Variants in LRPPRC observed in about 807,000 individuals in gnomAD.
LRPPRC encodes leucine rich pentatricopeptide repeat containing.
In LRPPRC, 120 loss-of-function variants were observed where a neutral mutation model predicts 180.3. The ratio of observed to expected loss-of-function variants is 0.67; its 90% CI spans 0.57 to 0.77. The LOEUF is 0.77. Ranked by LOEUF, LRPPRC falls within the 30% of genes least tolerant of loss-of-function variation. The pLI is 0.00. For missense variants in LRPPRC, 2,012 were observed against 1,657.2 expected (o/e 1.21, Z -3.72); for synonymous variants, 723 against 600.0 (o/e 1.21, Z -3.00).
At chr2:43,961,535 T>C (rs1435764413) in intron 12 of LRPPRC, among the ~76,000 whole-genome samples, 1 of 152,198 alleles carries the variant, frequency 6.6e-6, no homozygotes, top group Non-Finnish European at 1.5e-5. Flanking sequence ...GCAATGACTA[T>C]CTCAAGGAAC....
intron 23 of LRPPRC, among the ~76,000 whole-genome samples, chr2:43,935,493 G>C (rs1011182585): frequency 3.9e-5 from 6 of 152,116 alleles, no homozygotes; most frequent in African/African-American, 1.4e-4. Context: ...GTGAATTCTA[G>C]AAGAATTCTA....
intron 29 of LRPPRC, among the ~76,000 whole-genome samples, chr2:43,915,101 G>A (rs994627136): frequency 7.4e-5 from 11 of 148,938 alleles, no homozygotes; most frequent in Non-Finnish European, 1.3e-4. Context: ...ATGGTGGTGG[G>A]TGCCTATAAT....
intron 1 of LRPPRC, 111 bp from the exon 2 acceptor site, chr2:43,982,545 T>C (rs1674359341): frequency 2.6e-6 from 2 of 782,586 alleles, no homozygotes; most frequent in Non-Finnish European, 4.3e-6. Context: ...AAAATCACAG[T>C]ACAATACCAA....
intron 22 of LRPPRC, 104 bp from the exon 23 acceptor site, chr2:43,943,998 T>C (rs1672588391): frequency 2.5e-6 from 2 of 785,518 alleles, no homozygotes; most frequent in African/African-American, 3.4e-5. Context: ...AATTCTAGTG[T>C]ATAATGCCGA....
intron 23 of LRPPRC, among the ~76,000 whole-genome samples, chr2:43,943,262 A>T (rs1271711327): frequency 1.3e-5 from 2 of 152,178 alleles, no homozygotes; most frequent in African/African-American, 4.8e-5. Context: ...CAAAGCTAGA[A>T]TAACTGTAAT....
intron 27 of LRPPRC, among the ~76,000 whole-genome samples, chr2:43,924,332 A>C (rs752175795): frequency 2.0e-5 from 3 of 152,222 alleles, no homozygotes; most frequent in Non-Finnish European, 4.4e-5. Context: ...AAAGTACTAG[A>C]GCATTGTTTG....
At chr2:43,922,663 G>A (rs1018522100) in intron 27 of LRPPRC, among the ~76,000 whole-genome samples, 3 of 152,160 alleles carry the variant, frequency 2.0e-5, no homozygotes, top group African/African-American at 7.2e-5. Flanking sequence ...GAAGGCTGAG[G>A]CAAGAGAATG....
chr2:43,937,333 A>G (rs1672312034), intron 23 of LRPPRC, among the ~76,000 whole-genome samples: 1 of 152,182 alleles, frequency 6.6e-6, no homozygotes, highest in South Asian at 2.1e-4. Context: ...TACCTCATAC[A>G]AAGTGTACTG....
intron 27 of LRPPRC, among the ~76,000 whole-genome samples, chr2:43,918,759 G>A (rs111688294): frequency 5.9e-4 from 86 of 145,862 alleles, no homozygotes; most frequent in African/African-American, 1.9e-3. Context: ...GACCTTTAGC[G>A]TTGCAAAGAT....
chr2:43,982,149 C>A, intron 2 of LRPPRC, 89 bp downstream of exon 2: 1 of 863,430 alleles, frequency 1.2e-6, no homozygotes, highest in Non-Finnish European at 1.8e-6. Context: ...CTCAAGCGAT[C>A]TACCTGCCTC....
chr2:43,995,698 A>G, intron 1 of LRPPRC, 101 bp downstream of exon 1: 1 of 1,129,052 alleles, frequency 8.9e-7, no homozygotes, highest in Non-Finnish European at 1.2e-6. Context: ...GGGCGGGGAG[A>G]AGGGTGGCGA....
In LRPPRC at chr2:43,888,590, C is replaced by T. The variant is rs1306552183; in HGVS notation, c.*10G>A. ...CAAATATATACAAAACAAAGTATCG[C>T]CTGGTTATTTCAAGAAGAGTTTTCC... On this transcript the variant is annotated 3_prime_UTR_variant, in exon 38 of 38. Transcript: ENST00000260665. 4.6e-6 allele frequency: 7 copies of T among 1,531,158 alleles called. No individual in the cohort carries two copies. Among genetic ancestry groups the T allele is most frequent in the Admixed American group, 3.3e-5 (2 of 59,872 alleles). The allele number at this position is 1,531,158 out of a possible 1,614,324, so 94.8% of individuals were successfully genotyped here.
At chr2:43,940,415 A>T (rs1250313680) in intron 23 of LRPPRC, among the ~76,000 whole-genome samples, 3 of 152,226 alleles carry the variant, frequency 2.0e-5, no homozygotes, top group Non-Finnish European at 2.9e-5. Flanking sequence ...TTCCAAAAAC[A>T]TTGTTACAAG....
chr2:43,888,414 A>G lies in LRPPRC; in HGVS notation c.*186T>C. 1.9e-6 allele frequency: 1 copy of G among 530,676 alleles called. No homozygotes were observed. Among genetic ancestry groups the G allele is most frequent in the South Asian group, 2.1e-5 (1 of 47,452 alleles). 32.9% of individuals were successfully genotyped at this position (530,676 alleles called of 1,614,324 possible). Reference sequence around the variant, plus strand: ...AAACACTATCGATTTTTCCCAGAGAAAAAAACTCCAAAAATGTCCAATAAC... The same window carrying G: ...AAACACTATCGATTTTTCCCAGAGAGAAAAACTCCAAAAATGTCCAATAAC... On this transcript the variant is annotated 3_prime_UTR_variant, in exon 38 of 38. Transcript: ENST00000260665.
rs200193004 is a variant in LRPPRC, at chr2:43,955,474, GAAAAAAA to G, written c.1649+1904_1649+1910del. ...ACAGAGCAAGACTCTGTCTCAAAAA[GAAAAAAA>G]AAAAAAAAAAAGAAAAGAAAATTAT... On this transcript the variant is annotated intron_variant, in intron 14 of 37. Coordinates refer to ENST00000260665, the MANE Select transcript of LRPPRC (RefSeq NM_133259.4). 6.8e-3 allele frequency among the ~76,000 whole-genome samples: 783 copies of G among 115,288 alleles called. 5 individuals carry two copies. The highest frequency in any genetic ancestry group is 0.012 in the South Asian group (44 of 3,644). The allele number at this position is 115,288 out of a possible 152,430, so 75.6% of individuals were successfully genotyped here. A position where few individuals can be genotyped will look rare whatever the true frequency, so the allele number is the denominator to read the frequency against.
At chr2:43,954,104 T>C (rs1366833159) in intron 14 of LRPPRC, among the ~76,000 whole-genome samples, 6 of 152,210 alleles carry the variant, frequency 3.9e-5, no homozygotes, top group Non-Finnish European at 8.8e-5. Flanking sequence ...CTTGCGACAC[T>C]GACTACAAAC....
rs756499243 is a variant in LRPPRC, at chr2:43,963,626, A to G, written c.1450T>C (p.Cys484Arg). 20 of 1,612,224 alleles carry G rather than the reference A, an allele frequency of 1.2e-5. No individual in the cohort carries two copies. In the Middle Eastern group the frequency reaches 5.0e-4, roughly 40 times the overall value. ...CGTGCTGAGTTTACACTATCAAAGC[A>G]TGGAATCACATAATCTGTATATGTT... ...QETYTDYVIPCFDSVNSARAI... is the reference protein window; with the variant it reads ...QETYTDYVIPRFDSVNSARAI... The change falls in exon 12 of 38, where the codon TGC (cysteine) becomes CGC (arginine). Residue 484 changes from cysteine (C) to arginine (R), a missense_variant. Cys to Arg is a radical substitution (Grantham distance 180). Transcript: ENST00000260665.
chr2:43,889,704 A>G, intron 37 of LRPPRC, 30 bp downstream of exon 37: 5 of 1,563,046 alleles, frequency 3.2e-6, no homozygotes, highest in East Asian at 4.5e-5. Flanking sequence ...CTGCAGAGGT[A>G]TTTTTTCCCC....
intron 12 of LRPPRC, among the ~76,000 whole-genome samples, chr2:43,962,131 G>C (rs181487977): frequency 1.3e-5 from 2 of 152,286 alleles, no homozygotes; most frequent in Admixed American, 6.5e-5. Context: ...TTCCAAATTA[G>C]ATCTGCTGTT....
Sources: gnomAD v4.1 joint callset for allele counts (sites outside exome capture counted in the v4.1 genomes callset) on GRCh38, gnomAD v4.1.1 for gene constraint, MANE v1.5 for transcripts, NCBI Gene and HGNC (gene_info 2026-07-23, HGNC 2026-07-21) for gene names.